DCDC1: variants seen among roughly 807,000 people sequenced by gnomAD.
DCDC1 encodes doublecortin domain containing 1.
A neutral mutation model predicts 178.3 loss-of-function variants in DCDC1; 200 were observed. The observed-to-expected ratio is 1.12, with a 90% CI of 1.00 to 1.26. The LOEUF (loss-of-function observed/expected upper bound fraction) is 1.26. DCDC1 is among the 50% of genes most tolerant of loss of function. DCDC1 has a pLI of 0.00. For missense variants in DCDC1, 1,983 were observed against 1,749.2 expected (o/e 1.13, Z -2.38); for synonymous variants, 690 against 604.8 (o/e 1.14, Z -2.07).
chr11:30,947,368 A>G (rs1048620828), intron 21 of DCDC1, among the ~76,000 whole-genome samples: 1 of 152,164 alleles, frequency 6.6e-6, no homozygotes, highest in Non-Finnish European at 1.5e-5. Flanking sequence ...AAAAACATAT[A>G]GACTAAATGA....
At chr11:30,928,588 A>T (rs1033997861) in intron 22 of DCDC1, among the ~76,000 whole-genome samples, 1 of 206 alleles carries the variant, frequency 4.9e-3, no homozygotes, top group African/African-American at 0.024. Flanking sequence ...ATAGACCTTG[A>T]CATTTCGGGG....
intron 20 of DCDC1, among the ~76,000 whole-genome samples, chr11:31,039,224 TTTTTG>T (rs1954279255): frequency 6.6e-6 from 1 of 151,986 alleles, no homozygotes; most frequent in Non-Finnish European, 1.5e-5. Flanking sequence ...ACATTAGAGG[TTTTTG>T]TTTTGTTTTA....
intron 9 of DCDC1, among the ~76,000 whole-genome samples, chr11:31,162,339 C>T (rs1966383998): frequency 6.6e-6 from 1 of 151,984 alleles, no homozygotes; most frequent in African/African-American, 2.4e-5. Flanking sequence ...TTAATCAAGC[C>T]TTATAATATA....
intron 9 of DCDC1, among the ~76,000 whole-genome samples, chr11:31,203,173 A>T (rs1456269452): frequency 1.3e-5 from 2 of 152,250 alleles, no homozygotes; most frequent in Non-Finnish European, 2.9e-5. Context: ...ATTTTGAACA[A>T]TGAAAGATGA....
chr11:30,951,251 A>T (rs1948400759), intron 21 of DCDC1, among the ~76,000 whole-genome samples: 1 of 152,178 alleles, frequency 6.6e-6, no homozygotes, highest in South Asian at 2.1e-4. Context: ...CAGAGAAAAA[A>T]GATAGATACC....
chr11:31,253,477 A>T (rs927929696), intron 8 of DCDC1, among the ~76,000 whole-genome samples: 1 of 152,040 alleles, frequency 6.6e-6, no homozygotes, highest in African/African-American at 2.4e-5. Context: ...AAAGACAAAA[A>T]GTTATCTTTA....
chr11:31,290,951 G>C, intron 6 of DCDC1, 99 bp from the exon 7 acceptor site: 1 of 1,046,582 alleles, frequency 9.6e-7, no homozygotes, highest in Non-Finnish European at 1.4e-6. Context: ...ATTATACACT[G>C]GCCAGTCTCC....
chr11:30,865,976 T>C (rs1940944168), intron 38 of DCDC1, among the ~76,000 whole-genome samples: 1 of 152,154 alleles, frequency 6.6e-6, no homozygotes, highest in South Asian at 2.1e-4. Context: ...GTCAAAATCC[T>C]AACCCCCAGC....
At chr11:30,960,634 C>T (rs1019584035) in intron 20 of DCDC1, among the ~76,000 whole-genome samples, 1 of 152,094 alleles carries the variant, frequency 6.6e-6, no homozygotes, top group East Asian at 1.9e-4. Context: ...TTTTCGTAGT[C>T]CCCTGGAGAA....
At chr11:31,050,719 A>G (rs1955189403) in intron 20 of DCDC1, among the ~76,000 whole-genome samples, 1 of 152,192 alleles carries the variant, frequency 6.6e-6, no homozygotes, top group Admixed American at 6.5e-5. Context: ...GGAGCCGGGA[A>G]GACTCACTGC....
At chr11:31,165,698 G>C (rs189457103) in intron 9 of DCDC1, among the ~76,000 whole-genome samples, 2 of 152,200 alleles carry the variant, frequency 1.3e-5, no homozygotes. Flanking sequence ...TTTTCTTGTT[G>C]ATTTGTAGAA....
chr11:31,294,798 AAAAGAAAG>A (rs199955696), intron 6 of DCDC1, among the ~76,000 whole-genome samples: 19,612 of 125,000 alleles, frequency 0.16, 1,658 homozygotes, highest in Middle Eastern at 0.19. Context: ...AAAATAAAGA[AAAAGAAAG>A]AAAGAAAGAA....
At chr11:31,169,341 C>T (rs1189830435) in intron 9 of DCDC1, among the ~76,000 whole-genome samples, 1 of 152,068 alleles carries the variant, frequency 6.6e-6, no homozygotes, top group Non-Finnish European at 1.5e-5. Context: ...GTATGTATAC[C>T]ACTGAACATA....
intron 19 of DCDC1, 131 bp from the exon 20 acceptor site, chr11:31,064,757 G>C: frequency 1.7e-6 from 1 of 596,844 alleles, no homozygotes; most frequent in South Asian, 2.2e-5. Flanking sequence ...TAAGTCCTTT[G>C]TACGTGGCCA....
chr11:30,974,174 T>G (rs540027587), intron 20 of DCDC1, among the ~76,000 whole-genome samples: 1 of 150,790 alleles, frequency 6.6e-6, no homozygotes, highest in Non-Finnish European at 1.5e-5. Context: ...ATAAAAAAAG[T>G]TATTGAAAAA....
chr11:30,902,638 T>C (rs1944774834), intron 32 of DCDC1, among the ~76,000 whole-genome samples: 1 of 152,176 alleles, frequency 6.6e-6, no homozygotes, highest in Non-Finnish European at 1.5e-5. Flanking sequence ...ATCCTAACTT[T>C]ATAAATAAGA....
chr11:31,065,235 A>AT, intron 18 of DCDC1, 82 bp from the exon 19 acceptor site: 1 of 563,194 alleles, frequency 1.8e-6, no homozygotes. Context: ...AGAGAGGAGG[A>AT]TAAATTACAT....
chr11:30,917,119 A>G, intron 25 of DCDC1, 91 bp from the exon 26 acceptor site: 2 of 1,265,732 alleles, frequency 1.6e-6, no homozygotes, highest in Non-Finnish European at 2.1e-6. Flanking sequence ...CATATTCCAC[A>G]GGATGTTGGT....
chr11:31,302,805 T>G, intron 6 of DCDC1, among the ~76,000 whole-genome samples: 1 of 152,130 alleles, frequency 6.6e-6, no homozygotes, highest in African/African-American at 2.4e-5. Context: ...TCTATAGGAT[T>G]TTTTCTGTCT....
Sources: gnomAD v4.1 joint callset for allele counts (sites outside exome capture counted in the v4.1 genomes callset) on GRCh38, gnomAD v4.1.1 for gene constraint, MANE v1.5 for transcripts, NCBI Gene and HGNC (gene_info 2026-07-23, HGNC 2026-07-21) for gene names.